The following PLCB1 variants were observed in gnomAD, a reference collection of about 807,000 sequenced individuals.
The protein encoded by PLCB1 is phospholipase C beta 1, also known as 1-phosphatidylinositol 4,5-bisphosphate phosphodiesterase beta-1.
Under a neutral mutation model 161.8 loss-of-function variants are expected in PLCB1, and 46 were observed. That is an observed-to-expected ratio of 0.28 (90% CI 0.22 to 0.36). The LOEUF is 0.36. Ranked by LOEUF, PLCB1 falls within the 10% of genes least tolerant of loss-of-function variation. The pLI is 1.00. For synonymous variants in PLCB1, 517 were observed against 503.7 expected, an observed-to-expected ratio of 1.03 and a Z score of -0.35; for missense variants, 1,016 against 1,472.5, an observed-to-expected ratio of 0.69 and a Z score of 5.07.
At chr20:8,754,874 C>A (rs1981662191) in intron 23 of PLCB1, among the ~76,000 whole-genome samples, 1 of 152,236 alleles carries the variant, frequency 6.6e-6, no homozygotes, top group South Asian at 2.1e-4. Context: ...GGGACCATGA[C>A]TTTCCAGTTT....
chr20:8,496,329 CAA>C lies in PLCB1; in HGVS notation c.246+124898_246+124899del, dbSNP rs71331309. ...GCAACATGGCAAGACCCCATCTCTG[CAA>C]AAAAAAAAAAAAAAAAAATACAAAA... On this transcript the variant is annotated intron_variant, in intron 3 of 31. Coordinates refer to ENST00000338037, the MANE Select transcript of PLCB1 (RefSeq NM_015192.4). Among the ~76,000 whole-genome samples the C allele has an allele frequency of 2.0e-3, 181 of 91,954 alleles. 1 individual carries two copies. The highest frequency in any genetic ancestry group is 4.4e-3 in the African/African-American group (118 of 27,016). 60.3% of individuals were successfully genotyped at this position (91,954 alleles called of 152,430 possible).
rs369188885 is a variant in PLCB1 at position 8,881,358 on chromosome 20, T to TGTGTGTGTGC, written c.3424-263_3424-262insTGTGTGTGCG. On this transcript the variant is annotated intron_variant, in intron 31 of 31. Transcript: ENST00000338037. ...GTGTGTGTGTGTGTGTGTGTGTGTG[T>TGTGTGTGTGC]GCATTTGTAGATACCGCTATTCATC... Among the ~76,000 whole-genome samples the TGTGTGTGTGC allele has an allele frequency of 7.8e-3, 1,170 of 150,590 alleles. 5 individuals carry two copies. Among genetic ancestry groups the TGTGTGTGTGC allele is most frequent in the Non-Finnish European group, 0.013 (852 of 67,586 alleles).
intron 2 of PLCB1, among the ~76,000 whole-genome samples, chr20:8,272,054 C>G (rs1982312209): frequency 6.6e-6 from 1 of 152,048 alleles, no homozygotes; most frequent in Non-Finnish European, 1.5e-5. Flanking sequence ...ACTTAGGCGT[C>G]TAATGGCTTA....
intron 2 of PLCB1, among the ~76,000 whole-genome samples, chr20:8,355,544 C>T (rs1986337245): frequency 6.6e-6 from 1 of 152,186 alleles, no homozygotes; most frequent in Non-Finnish European, 1.5e-5. Flanking sequence ...TTTGTGAGAA[C>T]TATTCATATG....
chr20:8,251,874 C>T (rs538163609), intron 2 of PLCB1, among the ~76,000 whole-genome samples: 42 of 151,860 alleles, frequency 2.8e-4, no homozygotes, highest in South Asian at 6.2e-4. Context: ...TAGGAATGCC[C>T]GTGGATGAAA....
intron 4 of PLCB1, among the ~76,000 whole-genome samples, chr20:8,644,791 G>C (rs948049340): frequency 6.6e-5 from 10 of 152,054 alleles, no homozygotes; most frequent in African/African-American, 2.4e-4. Flanking sequence ...GAAGTGAGGG[G>C]CCCCTCTGCT....
intron 2 of PLCB1, among the ~76,000 whole-genome samples, chr20:8,245,466 A>G (rs75584565): frequency 0.023 from 3,553 of 151,988 alleles, 150 homozygotes; most frequent in African/African-American, 0.081. Context: ...CAACTTGTAT[A>G]TTATGGTGGC....
At chr20:8,633,083 T>C (rs935449286) in intron 4 of PLCB1, among the ~76,000 whole-genome samples, 5 of 140,158 alleles carry the variant, frequency 3.6e-5, no homozygotes, top group Admixed American at 3.0e-4. Flanking sequence ...TAAAAAGGAA[T>C]CCAAATTTGC....
chr20:8,824,875 A>G (rs1388576726), intron 31 of PLCB1, among the ~76,000 whole-genome samples: 2 of 152,314 alleles, frequency 1.3e-5, no homozygotes, highest in East Asian at 3.9e-4. Context: ...AAAAATTAGT[A>G]AGCCAATCAT....
intron 3 of PLCB1, among the ~76,000 whole-genome samples, chr20:8,500,080 T>C (rs1251004496): frequency 6.6e-6 from 1 of 152,160 alleles, no homozygotes; most frequent in Admixed American, 6.5e-5. Flanking sequence ...TACTGAAAGA[T>C]TATAGAAAAG....
intron 3 of PLCB1, among the ~76,000 whole-genome samples, chr20:8,439,388 G>A (rs1187783213): frequency 2.0e-5 from 3 of 152,064 alleles, no homozygotes; most frequent in African/African-American, 7.2e-5. Context: ...TTCAAAAGAT[G>A]GCAGGATGTA....
At chr20:8,834,299 G>A (rs551602295) in intron 31 of PLCB1, among the ~76,000 whole-genome samples, 32 of 152,188 alleles carry the variant, frequency 2.1e-4, no homozygotes, top group African/African-American at 6.7e-4. Flanking sequence ...TAGTTTTCTG[G>A]TTTAATAGGA....
chr20:8,688,106 A>G (rs112063413), intron 10 of PLCB1, among the ~76,000 whole-genome samples: 2,458 of 152,208 alleles, frequency 0.016, 79 homozygotes, highest in African/African-American at 0.057. Flanking sequence ...GCATTTTTTC[A>G]TATGTGTGTT....
chr20:8,778,947 C>T (rs79465792), intron 27 of PLCB1, among the ~76,000 whole-genome samples: 1,844 of 152,272 alleles, frequency 0.012, 43 homozygotes, highest in African/African-American at 0.041. Flanking sequence ...GACTGAAAGG[C>T]ACCCAGAAGT....
chr20:8,849,811 G>C (rs1986825258), intron 31 of PLCB1, among the ~76,000 whole-genome samples: 1 of 152,090 alleles, frequency 6.6e-6, no homozygotes, highest in Non-Finnish European at 1.5e-5. Context: ...TCAAGAGATC[G>C]AGACCATCCT....
chr20:8,197,405 A>G (rs1418071395), intron 2 of PLCB1, among the ~76,000 whole-genome samples: 2 of 152,094 alleles, frequency 1.3e-5, no homozygotes, highest in Non-Finnish European at 2.9e-5. Flanking sequence ...CATTTCTCTG[A>G]TGGCCAGTGA....
chr20:8,771,885 C>CTTCCTTCA (rs1251354959), intron 26 of PLCB1, among the ~76,000 whole-genome samples: 3 of 150,808 alleles, frequency 2.0e-5, no homozygotes, highest in Non-Finnish European at 4.4e-5. Context: ...TCGTTCCTTC[C>CTTCCTTCA]TTCCTTCCTT....
intron 3 of PLCB1, among the ~76,000 whole-genome samples, chr20:8,435,454 G>T (rs542254331): frequency 6.6e-6 from 1 of 152,168 alleles, no homozygotes; most frequent in Non-Finnish European, 1.5e-5. Context: ...TTAATTAGGT[G>T]AAAGCCCTTA....
chr20:8,794,914 A>G (rs6039275), intron 31 of PLCB1, among the ~76,000 whole-genome samples: 47,096 of 152,124 alleles, frequency 0.31, 7,386 homozygotes, highest in Middle Eastern at 0.49. Flanking sequence ...TTCTGGCTCA[A>G]TTTAGAGCAA....
Sources: gnomAD v4.1 joint callset for allele counts (sites outside exome capture counted in the v4.1 genomes callset) on GRCh38, gnomAD v4.1.1 for gene constraint, MANE v1.5 for transcripts, NCBI Gene and HGNC (gene_info 2026-07-23, HGNC 2026-07-21) for gene names.